GLIS3: variants seen among roughly 807,000 people sequenced by gnomAD.
The protein encoded by GLIS3 is GLIS family zinc finger 3.
A neutral mutation model predicts 78.6 loss-of-function variants in GLIS3; 53 were observed. The ratio of observed to expected loss-of-function variants is 0.67; its 90% CI spans 0.54 to 0.85. The LOEUF (loss-of-function observed/expected upper bound fraction) is 0.85, where lower values mean the gene tolerates loss of function less well. GLIS3 is among the 40% of genes least tolerant of loss of function. GLIS3 has a pLI of 0.00. For missense variants in GLIS3, 1,703 were observed against 1,231.1 expected (o/e 1.38, Z -5.74); for synonymous variants, 684 against 509.9 (o/e 1.34, Z -4.60).
intron 6 of GLIS3, among the ~76,000 whole-genome samples, chr9:3,914,190 G>C (rs1030672046): frequency 1.3e-5 from 2 of 152,108 alleles, no homozygotes; most frequent in African/African-American, 4.8e-5. Flanking sequence ...TTGTCACCCA[G>C]GCTGGAGTGC....
rs191497772 is a variant in GLIS3, at chr9:4,250,809, G to T, written c.388+35229C>A. Among the ~76,000 whole-genome samples, 780 of 152,266 alleles carry T rather than the reference G, an allele frequency of 5.1e-3. 5 individuals are homozygous for T. The highest frequency in any genetic ancestry group is 0.018 in the African/African-American group (742 of 41,550). ...TGTGTCCCAGAGATTCTGGTACGTTGTGTCTTTGTTCTCATTGGTTTCAAA... is the reference window on the plus strand; with the variant it reads ...TGTGTCCCAGAGATTCTGGTACGTTTTGTCTTTGTTCTCATTGGTTTCAAA... On this transcript the variant is annotated intron_variant, in intron 2 of 10. Coordinates refer to ENST00000381971, the MANE Select transcript of GLIS3 (RefSeq NM_001042413.2).
intron 4 of GLIS3, among the ~76,000 whole-genome samples, chr9:4,065,097 A>G (rs1826982254): frequency 6.6e-6 from 1 of 152,212 alleles, no homozygotes; most frequent in Non-Finnish European, 1.5e-5. Flanking sequence ...AAGAGTATAG[A>G]GCTGGCTATT....
chr9:4,045,898 G>A (rs1825210856), intron 4 of GLIS3, among the ~76,000 whole-genome samples: 1 of 152,140 alleles, frequency 6.6e-6, no homozygotes. Context: ...CTTTTAAACT[G>A]AAGAAGAAAG....
chr9:4,217,857 T>C (rs1352004542), intron 2 of GLIS3, among the ~76,000 whole-genome samples: 3 of 152,200 alleles, frequency 2.0e-5, no homozygotes, highest in African/African-American at 4.8e-5. Context: ...CAGCATGAAA[T>C]AGTATTTAAT....
the GLIS3 span, among the ~76,000 whole-genome samples, chr9:4,368,032 A>T: frequency 6.6e-6 from 1 of 152,192 alleles, no homozygotes; most frequent in Non-Finnish European, 1.5e-5. Flanking sequence ...CTACTGTATG[A>T]TGTTTCCTCT....
chr9:4,225,635 C>A lies in GLIS3; in HGVS notation c.388+60403G>T, dbSNP rs192676265. Among the ~76,000 whole-genome samples the A allele has an allele frequency of 3.3e-5, 5 of 152,244 alleles. No individual in the cohort carries two copies. The East Asian group carries it at 9.7e-4, about 29-fold the overall frequency. On this transcript the variant is annotated intron_variant, in intron 2 of 10. Coordinates refer to ENST00000381971, the MANE Select transcript of GLIS3 (RefSeq NM_001042413.2). ...CAGGCTAAAGAGAAAAGCTAACTAA[C>A]TGCTTCTTAATGATGAGCTCACGGT...
chr9:4,397,719 AGGGAGG>A, the GLIS3 span, among the ~76,000 whole-genome samples: 4 of 45,328 alleles, frequency 8.8e-5, no homozygotes, highest in African/African-American at 3.7e-4. Context: ...GCAGGGAGGG[AGGGAGG>A]GAGGGAGGAA....
chr9:3,831,574 C>A (rs1337761424), intron 9 of GLIS3, among the ~76,000 whole-genome samples: 2 of 152,052 alleles, frequency 1.3e-5, no homozygotes, highest in South Asian at 2.1e-4. Context: ...TATCTAGAAC[C>A]CTAAAAGTGT....
At chr9:4,488,000 G>C in the GLIS3 span, among the ~76,000 whole-genome samples, 2 of 152,156 alleles carry the variant, frequency 1.3e-5, no homozygotes, top group African/African-American at 2.4e-5. Flanking sequence ...CTCTATGGTA[G>C]ACACTTTGGA....
intron 8 of GLIS3, among the ~76,000 whole-genome samples, chr9:3,874,697 C>A (rs897814450): frequency 6.6e-6 from 1 of 152,176 alleles, no homozygotes; most frequent in Non-Finnish European, 1.5e-5. Flanking sequence ...GTGTCTACTG[C>A]ACAATTGACT....
chr9:4,216,357 G>C (rs1963156), intron 2 of GLIS3, among the ~76,000 whole-genome samples: 137,834 of 151,812 alleles, frequency 0.91, 62,675 homozygotes, highest in Non-Finnish European at 0.93. Context: ...CCTGTAGTCC[G>C]AGCTACTCAA....
the GLIS3 span, among the ~76,000 whole-genome samples, chr9:4,445,393 G>A: frequency 6.6e-6 from 1 of 151,156 alleles, no homozygotes; most frequent in Non-Finnish European, 1.5e-5. Flanking sequence ...TGGGGAGGCT[G>A]AGGCTGGCAG....
chr9:4,426,604 T>G, the GLIS3 span, among the ~76,000 whole-genome samples: 2 of 152,250 alleles, frequency 1.3e-5, no homozygotes, highest in Non-Finnish European at 2.9e-5. Context: ...CAGCCTGAGC[T>G]TGAACATCTG....
chr9:4,447,195 G>C, the GLIS3 span, among the ~76,000 whole-genome samples: 1 of 151,976 alleles, frequency 6.6e-6, no homozygotes, highest in East Asian at 1.9e-4. Flanking sequence ...CTATAGGCAT[G>C]TGCCACCATG....
At chr9:4,201,398 G>A (rs185806843) in intron 2 of GLIS3, among the ~76,000 whole-genome samples, 190 of 152,222 alleles carry the variant, frequency 1.2e-3, no homozygotes, top group African/African-American at 3.6e-3. Context: ...AAACTGTCCC[G>A]TCTTTGTGGA....
At chr9:4,300,999 G>C (rs1245436655), upstream of GLIS3, among the ~76,000 whole-genome samples, 2 of 151,996 alleles carry the variant, frequency 1.3e-5, no homozygotes, top group African/African-American at 4.8e-5. Context: ...ATATAAATTA[G>C]CAATCAGGTA....
At chr9:4,314,260 C>T (rs1817405939) in intron 2 of GLIS3, among the ~76,000 whole-genome samples, 1 of 152,158 alleles carries the variant, frequency 6.6e-6, no homozygotes, top group Non-Finnish European at 1.5e-5. Flanking sequence ...TTATTAATGG[C>T]AGGATCAGAA....
intron 4 of GLIS3, among the ~76,000 whole-genome samples, chr9:3,965,945 TG>T (rs1241190044): frequency 6.6e-6 from 1 of 152,062 alleles, no homozygotes; most frequent in African/African-American, 2.4e-5. Flanking sequence ...CTTCACTGTG[TG>T]GTCTTCAAAC....
intron 9 of GLIS3, among the ~76,000 whole-genome samples, chr9:3,830,706 C>A (rs1817996776): frequency 6.6e-6 from 1 of 152,212 alleles, no homozygotes; most frequent in Non-Finnish European, 1.5e-5. Context: ...GACCCTTATT[C>A]CTGTGTGCCT....
Sources: allele counts gnomAD v4.1 joint callset (sites outside exome capture counted in the v4.1 genomes callset), GRCh38; gene constraint gnomAD v4.1.1; transcripts MANE v1.5; gene names NCBI Gene and HGNC (gene_info 2026-07-23, HGNC 2026-07-21).